RNF212B: variants seen among roughly 807,000 people sequenced by gnomAD.
RNF212B encodes E3 ubiquitin-protein ligase RNF212B.
In RNF212B, 52 loss-of-function variants were observed where a neutral mutation model predicts 55.5. The observed-to-expected ratio is 0.94, with a 90% CI of 0.75 to 1.18. RNF212B has a LOEUF of 1.18. RNF212B is among the 50% of genes most tolerant of loss of function. RNF212B has a pLI of 0.00. For synonymous variants in RNF212B, 99 were observed against 121.4 expected, an observed-to-expected ratio of 0.82 and a Z score of 1.21; for missense variants, 289 against 350.4, an observed-to-expected ratio of 0.82 and a Z score of 1.40.
chr14:23,214,764 CAGAAAAAGAGG>C lies in RNF212B; in HGVS notation c.-2+21382_-2+21392del, dbSNP rs554821753. Among the ~76,000 whole-genome samples, 319 of 151,542 alleles carry C rather than the reference CAGAAAAAGAGG, an allele frequency of 2.1e-3. 1 individual carries two copies. The highest frequency in any genetic ancestry group is 6.4e-3 in the African/African-American group (263 of 41,328). On this transcript the variant is annotated intron_variant, in intron 2 of 15. Transcript: ENST00000399910. Reference sequence around the variant, plus strand: ...TTTAACATTTGTGTCATTGTAGTCCCAGAAAAAGAGGAGAAAAAGAGGAGAAAAAATGAAAA... The same window carrying C: ...TTTAACATTTGTGTCATTGTAGTCCCAGAAAAAGAGGAGAAAAAATGAAAA...
chr14:23,214,465 G>A (rs2140396535), intron 2 of RNF212B, among the ~76,000 whole-genome samples: 1 of 152,098 alleles, frequency 6.6e-6, no homozygotes, highest in African/African-American at 2.4e-5. Context: ...ATGTACTCCG[G>A]CCTGGGCAAC....
At chr14:23,220,185 G>GAAAAACAAAAAC (rs55781375) in intron 2 of RNF212B, among the ~76,000 whole-genome samples, 10 of 144,248 alleles carry the variant, frequency 6.9e-5, no homozygotes, top group African/African-American at 2.1e-4. Flanking sequence ...ACTGTCTCGG[G>GAAAAACAAAAAC]AAAAACAAAA....
intron 9 of RNF212B, among the ~76,000 whole-genome samples, 165 bp downstream of exon 9, chr14:23,263,135 G>C (rs539053996): frequency 6.6e-6 from 1 of 151,226 alleles, no homozygotes; most frequent in Admixed American, 6.6e-5. Context: ...CTTTATTAAA[G>C]ATACTGTCCA....
Position 23,209,000 on chromosome 14 carries a change from C to T in RNF212B, c.-2+15599C>T, listed in dbSNP as rs544383346. Reference sequence around the variant, plus strand: ...GTCTCGATCTCCTGACCTCGTGATCCGCCCGCCTTGGCCTCCCAGAGTGCT... The same window carrying T: ...GTCTCGATCTCCTGACCTCGTGATCTGCCCGCCTTGGCCTCCCAGAGTGCT... On this transcript the variant is annotated intron_variant, in intron 2 of 15. Coordinates refer to the RNF212B transcript ENST00000399910. 7.9e-5 allele frequency among the ~76,000 whole-genome samples: 12 copies of T among 152,084 alleles called. No homozygotes were observed. In the East Asian group the frequency reaches 1.2e-3, roughly 15 times the overall value.
chr14:23,227,579 T>C (rs1882148488), intron 2 of RNF212B, among the ~76,000 whole-genome samples: 1 of 151,870 alleles, frequency 6.6e-6, no homozygotes, highest in Non-Finnish European at 1.5e-5. Context: ...ATACATTGAA[T>C]ATACATTAAA....
intron 2 of RNF212B, among the ~76,000 whole-genome samples, chr14:23,231,753 C>T (rs1410155373): frequency 6.6e-6 from 1 of 152,174 alleles, no homozygotes; most frequent in Admixed American, 6.5e-5. Flanking sequence ...GATTCTCCTG[C>T]CTCAGCCTGC....
chr14:23,268,897 T>C, intron 11 of RNF212B, 27 bp from the exon 12 acceptor site: 1 of 1,544,414 alleles, frequency 6.5e-7, no homozygotes, highest in Non-Finnish European at 8.8e-7. Context: ...ATGGATTATC[T>C]CACAGGCTTA....
intron 2 of RNF212B, among the ~76,000 whole-genome samples, chr14:23,200,045 ACT>A (rs1555309452): frequency 6.6e-6 from 1 of 152,012 alleles, no homozygotes; most frequent in Non-Finnish European, 1.5e-5. Flanking sequence ...GCAAGACTAG[ACT>A]CTAACAACGA....
At chr14:23,264,065 G>T (rs958027256) in intron 9 of RNF212B, 109 bp from the exon 10 acceptor site, 6 of 789,824 alleles carry the variant, frequency 7.6e-6, no homozygotes, top group African/African-American at 3.5e-5. Context: ...TCTAGCCTGG[G>T]CAACAGAGTG....
chr14:23,263,532 A>C lies in RNF212B; in HGVS notation c.524+562A>C, dbSNP rs531108991. 9.2e-5 allele frequency among the ~76,000 whole-genome samples: 14 copies of C among 152,300 alleles called. No individual in the cohort carries two copies. In the South Asian group the frequency reaches 2.9e-3, roughly 32 times the overall value. ...ACAGATGTCTCGGCTTAAGGGAGTT[A>C]AGTTTATGCTGAAAGATGGAAAAGG... On this transcript the variant is annotated intron_variant, in intron 9 of 14. Transcript: ENST00000430154.
chr14:23,216,902 A>AAAAAAAAAAAAAAC (rs1457921103), intron 2 of RNF212B, among the ~76,000 whole-genome samples: 1 of 151,348 alleles, frequency 6.6e-6, no homozygotes, highest in Non-Finnish European at 1.5e-5. Context: ...AAAAAAAAAA[A>AAAAAAAAAAAAAAC]AAGACCAATC....
At chr14:23,233,380 G>A (rs866203563), upstream of RNF212B, among the ~76,000 whole-genome samples, 2 of 148,560 alleles carry the variant, frequency 1.3e-5, no homozygotes, top group African/African-American at 2.5e-5. Context: ...GCCCCTCTGC[G>A]AGAAACACCC....
At chr14:23,261,025 A>T (rs1404128678) in intron 7 of RNF212B, among the ~76,000 whole-genome samples, 2 of 152,220 alleles carry the variant, frequency 1.3e-5, no homozygotes, top group Non-Finnish European at 2.9e-5. Context: ...GAGTACACTG[A>T]ACAAAGGAGA....
intron 7 of RNF212B, 23 bp downstream of exon 7, chr14:23,260,710 C>G (rs1416530415): frequency 1.3e-6 from 2 of 1,548,568 alleles, no homozygotes; most frequent in African/African-American, 2.7e-5. Context: ...AGCTCCCATA[C>G]TAGCCCAGCC....
chr14:23,254,286 C>CAAAAAAAAAAAAAAAAA (rs763020430), intron 4 of RNF212B, among the ~76,000 whole-genome samples: 1 of 84,738 alleles, frequency 1.2e-5, no homozygotes, highest in African/African-American at 4.8e-5. Context: ...CTCTTTATCT[C>CAAAAAAAAAAAAAAAAA]AAAAACAAAA....
At position 23,264,628 on chromosome 14, in the gene RNF212B, C is replaced by T. The variant is rs1885543422; in HGVS notation, c.591C>T (p.Gly197=). ...GCTTATTATTTGTCTATCAGGGAGG[C>T]AGAGGTCTGCAGGGAAGGAGAACTC... ...EAGFGSLGQG[G]RGLQGRRTPR... is the part of the protein sequence containing the mutation. The change falls in exon 11 of 15, where the codon GGC becomes GGT. Residue 197 remains glycine, a synonymous_variant. Coordinates refer to ENST00000430154, the MANE Select transcript of RNF212B (RefSeq NM_001282322.3). The T allele has an allele frequency of 7.5e-7, 1 of 1,337,234 alleles. No homozygotes were observed. Among genetic ancestry groups the T allele is most frequent in the Non-Finnish European group, 9.6e-7 (1 of 1,036,528 alleles). 82.8% of individuals were successfully genotyped at this position (1,337,234 alleles called of 1,614,324 possible).
At chr14:23,230,406 G>A (rs1234657201) in intron 2 of RNF212B, among the ~76,000 whole-genome samples, 1 of 152,096 alleles carries the variant, frequency 6.6e-6, no homozygotes, top group Non-Finnish European at 1.5e-5. Context: ...TGTAATCCCA[G>A]CACTTTGGGA....
At chr14:23,232,400 C>A (rs529836053) in intron 2 of RNF212B, among the ~76,000 whole-genome samples, 1 of 151,450 alleles carries the variant, frequency 6.6e-6, no homozygotes. Flanking sequence ...GGATCCCCTC[C>A]GCCCGGCAGC....
intron 2 of RNF212B, among the ~76,000 whole-genome samples, chr14:23,232,632 G>A (rs1213998706): frequency 2.6e-5 from 4 of 151,100 alleles, no homozygotes; most frequent in African/African-American, 9.7e-5. Flanking sequence ...CTCCCCGTCC[G>A]GGAGGGAGTT....
Sources: gnomAD v4.1 joint callset for allele counts (sites outside exome capture counted in the v4.1 genomes callset) on GRCh38, gnomAD v4.1.1 for gene constraint, MANE v1.5 for transcripts, NCBI Gene and HGNC (gene_info 2026-07-23, HGNC 2026-07-21) for gene names.